Variants in CNTLN observed in about 807,000 individuals in gnomAD.
CNTLN encodes centlein.
Under a neutral mutation model 180.0 loss-of-function variants are expected in CNTLN, and 212 were observed. The observed-to-expected ratio is 1.18, with a 90% CI of 1.05 to 1.32. The LOEUF (loss-of-function observed/expected upper bound fraction) is 1.32. Ranked by LOEUF, CNTLN falls within the 40% of genes most tolerant of loss-of-function variation. The pLI is 0.00. For synonymous variants in CNTLN, 722 were observed against 563.1 expected (o/e 1.28, Z -3.99); for missense variants, 2,095 against 1,610.9 (o/e 1.30, Z -5.14).
At chr9:17,527,575 A>G in the CNTLN span, among the ~76,000 whole-genome samples, 2 of 152,132 alleles carry the variant, frequency 1.3e-5, no homozygotes, top group Non-Finnish European at 2.9e-5. Flanking sequence ...GTGGGTACTT[A>G]CAGATAAGCA....
At chr9:17,456,831 G>A (rs1030441031) in intron 18 of CNTLN, among the ~76,000 whole-genome samples, 9 of 152,096 alleles carry the variant, frequency 5.9e-5, no homozygotes, top group Non-Finnish European at 8.8e-5. Context: ...AAAGGCTAAC[G>A]TTAAGATGGG....
chr9:17,250,961 GT>G (rs1271149888), intron 5 of CNTLN, among the ~76,000 whole-genome samples: 1 of 151,932 alleles, frequency 6.6e-6, no homozygotes, highest in Non-Finnish European at 1.5e-5. Flanking sequence ...ACTTCTCTCA[GT>G]TTTTATTTGT....
At position 17,211,730 on chromosome 9, in the gene CNTLN, T is replaced by C. The variant is rs193169430; in HGVS notation, c.450-14473T>C. Reference sequence around the variant, plus strand: ...TTTGTTTATGTCCTCTTTTATTTTTTTGAGCAGTGGTTTGTAGTTCTCCTT... The same window carrying C: ...TTTGTTTATGTCCTCTTTTATTTTTCTGAGCAGTGGTTTGTAGTTCTCCTT... On this transcript the variant is annotated intron_variant, in intron 2 of 25. Coordinates refer to ENST00000380647, the MANE Select transcript of CNTLN (RefSeq NM_017738.4). Among the ~76,000 whole-genome samples, 397 of 152,334 alleles carry C rather than the reference T, an allele frequency of 2.6e-3. 2 individuals carry two copies. Among genetic ancestry groups the C allele is most frequent in the African/African-American group, 8.9e-3 (370 of 41,560 alleles).
At chr9:17,169,020 C>A (rs535803817) in intron 2 of CNTLN, among the ~76,000 whole-genome samples, 149 of 152,186 alleles carry the variant, frequency 9.8e-4, no homozygotes, top group African/African-American at 3.4e-3. Flanking sequence ...TTTTAAGTGA[C>A]CGCATCTTGC....
intron 18 of CNTLN, among the ~76,000 whole-genome samples, chr9:17,436,084 A>G (rs922438812): frequency 6.6e-6 from 1 of 152,198 alleles, no homozygotes; most frequent in African/African-American, 2.4e-5. Context: ...TTTTTACATT[A>G]TAAACAATTT....
chr9:17,409,295 G>A lies in CNTLN; in HGVS notation c.2618G>A (p.Ser873Asn), dbSNP rs764377594. ...DGWEDVSESS[S>N]DSEAQTSQTL... ...TGTCCCTACTTTTTTCTAAAAAGCA[G>A]TGATTCTGAAGCACAGACCTCTCAA... Residue 873 changes from serine (S) to asparagine (N), a missense_variant and splice_region_variant, in exon 16 of 26, where the codon AGT (serine) becomes AAT (asparagine). Physicochemically the swap from Ser to Asn is conservative, Grantham distance 46. Coordinates refer to ENST00000380647, the MANE Select transcript of CNTLN (RefSeq NM_017738.4). The A allele has an allele frequency of 5.6e-6, 9 of 1,605,946 alleles. No homozygotes were observed. Among genetic ancestry groups the A allele is most frequent in the South Asian group, 4.5e-5 (4 of 88,948 alleles).
chr9:17,386,309 A>G (rs1393687780), intron 13 of CNTLN, among the ~76,000 whole-genome samples: 1 of 152,106 alleles, frequency 6.6e-6, no homozygotes, highest in Admixed American at 6.5e-5. Context: ...AAGCAAAATT[A>G]AAGGTTAATG....
At chr9:17,431,549 T>A (rs1829419765) in intron 18 of CNTLN, among the ~76,000 whole-genome samples, 4 of 152,154 alleles carry the variant, frequency 2.6e-5, no homozygotes, top group African/African-American at 4.8e-5. Flanking sequence ...CTTGACATAA[T>A]CCCATTTGTC....
At chr9:17,363,583 A>G (rs1040521901) in intron 12 of CNTLN, among the ~76,000 whole-genome samples, 9 of 151,596 alleles carry the variant, frequency 5.9e-5, no homozygotes, top group Non-Finnish European at 1.5e-5. Flanking sequence ...TCTTGAAATT[A>G]TAACATACAT....
At chr9:17,338,344 T>TTTTTTTTG (rs1254569597) in intron 10 of CNTLN, among the ~76,000 whole-genome samples, 1 of 144,464 alleles carries the variant, frequency 6.9e-6, no homozygotes, top group Non-Finnish European at 1.5e-5. Flanking sequence ...TTTGTTTTTT[T>TTTTTTTTG]TTTTTTTTTT....
intron 8 of CNTLN, among the ~76,000 whole-genome samples, chr9:17,317,972 T>A (rs941533891): frequency 6.6e-6 from 1 of 152,164 alleles, no homozygotes; most frequent in East Asian, 1.9e-4. Context: ...ATGGAACCTA[T>A]TGGGGTGACT....
At chr9:17,384,190 G>A (rs1245437919) in intron 13 of CNTLN, among the ~76,000 whole-genome samples, 1 of 151,460 alleles carries the variant, frequency 6.6e-6, no homozygotes, top group African/African-American at 2.4e-5. Context: ...TTCATCCAGC[G>A]AGCTAATAGG....
At chr9:17,451,832 A>G (rs1830795979) in intron 18 of CNTLN, among the ~76,000 whole-genome samples, 2 of 152,206 alleles carry the variant, frequency 1.3e-5, no homozygotes, top group South Asian at 4.1e-4. Flanking sequence ...TAAATGGTTC[A>G]TTACTTTAAA....
intron 13 of CNTLN, among the ~76,000 whole-genome samples, chr9:17,369,179 G>A (rs1284733996): frequency 6.6e-6 from 1 of 152,016 alleles, no homozygotes; most frequent in Non-Finnish European, 1.5e-5. Flanking sequence ...GAAATCTGAT[G>A]GTTTTGTAAG....
At chr9:17,164,469 T>G (rs1178646494) in intron 2 of CNTLN, among the ~76,000 whole-genome samples, 1 of 140,944 alleles carries the variant, frequency 7.1e-6, no homozygotes, top group Non-Finnish European at 1.5e-5. Flanking sequence ...TTTTTTTTTT[T>G]TTTTTTTTTT....
chr9:17,212,331 G>A (rs1823382334), intron 2 of CNTLN, among the ~76,000 whole-genome samples: 2 of 152,188 alleles, frequency 1.3e-5, no homozygotes, highest in East Asian at 1.9e-4. Context: ...TTTTGTCTTT[G>A]GTTCTGTTTA....
At chr9:17,147,410 T>C (rs1818529720) in intron 2 of CNTLN, among the ~76,000 whole-genome samples, 1 of 152,150 alleles carries the variant, frequency 6.6e-6, no homozygotes, top group African/African-American at 2.4e-5. Flanking sequence ...CTTAATTAAT[T>C]GTTTTGATTC....
At chr9:17,289,941 G>C (rs2132672855) in intron 6 of CNTLN, among the ~76,000 whole-genome samples, 2 of 149,558 alleles carry the variant, frequency 1.3e-5, no homozygotes, top group Middle Eastern at 6.8e-3. Flanking sequence ...CAACTTCTTT[G>C]CCTTTGGTTT....
At chr9:17,359,059 A>C in intron 12 of CNTLN, among the ~76,000 whole-genome samples, 1 of 144,410 alleles carries the variant, frequency 6.9e-6, no homozygotes, top group African/African-American at 2.6e-5. Context: ...TTACTTTGTC[A>C]CTCCGCTGGA....
Sources: allele counts gnomAD v4.1 joint callset (sites outside exome capture counted in the v4.1 genomes callset), GRCh38; gene constraint gnomAD v4.1.1; transcripts MANE v1.5; gene names NCBI Gene and HGNC (gene_info 2026-07-23, HGNC 2026-07-21).